The following LUZP2 variants were observed in gnomAD, a reference collection of about 807,000 sequenced individuals.
LUZP2 encodes leucine zipper protein 2.
In LUZP2, 52 loss-of-function variants were observed where a neutral mutation model predicts 51.6. The ratio of observed to expected loss-of-function variants is 1.01; its 90% CI spans 0.81 to 1.27. LUZP2 has a LOEUF of 1.27. LUZP2 is among the 50% of genes most tolerant of loss of function. LUZP2 has a pLI of 0.00. For missense variants in LUZP2, 436 were observed against 395.4 expected (o/e 1.10, Z -0.87); for synonymous variants, 154 against 137.3 (o/e 1.12, Z -0.85).
chr11:24,688,498 T>C (rs1222919815), intron 1 of LUZP2, among the ~76,000 whole-genome samples: 1 of 152,162 alleles, frequency 6.6e-6, no homozygotes, highest in African/African-American at 2.4e-5. Flanking sequence ...ATTTTTGTCT[T>C]TGCATTATAA....
At chr11:24,944,445 T>G (rs1854845882) in intron 7 of LUZP2, among the ~76,000 whole-genome samples, 2 of 152,158 alleles carry the variant, frequency 1.3e-5, no homozygotes, top group African/African-American at 4.8e-5. Context: ...AAATATATAG[T>G]TGGAACACAT....
rs201454249 is a variant in LUZP2 at position 24,561,001 on chromosome 11, G to A, written c.62+63696G>A. On this transcript the variant is annotated intron_variant, in intron 1 of 11. Coordinates refer to ENST00000336930, the MANE Select transcript of LUZP2 (RefSeq NM_001009909.4). ...GAGCTTATTAGAACTATCTGGAGTAGAGACATTTTTCCAAAGGAAAAAATA... is the reference window on the plus strand; with the variant it reads ...GAGCTTATTAGAACTATCTGGAGTAAAGACATTTTTCCAAAGGAAAAAATA... Among the ~76,000 whole-genome samples the A allele has an allele frequency of 3.9e-5, 6 of 152,218 alleles. No individual in the cohort carries two copies. The South Asian group carries it at 6.2e-4, about 16-fold the overall frequency.
chr11:24,662,587 A>G (rs2133984946), intron 1 of LUZP2, among the ~76,000 whole-genome samples: 1 of 152,254 alleles, frequency 6.6e-6, no homozygotes, highest in Admixed American at 6.5e-5. Context: ...AGGACATAAA[A>G]TATTCCAAAA....
At chr11:24,697,220 TGAAG>T (rs1857276346) in intron 1 of LUZP2, among the ~76,000 whole-genome samples, 1 of 152,132 alleles carries the variant, frequency 6.6e-6, no homozygotes, top group African/African-American at 2.4e-5. Context: ...AAAAATTGAT[TGAAG>T]GGAGTGTCAT....
At chr11:24,859,951 C>T (rs74424168) in intron 5 of LUZP2, among the ~76,000 whole-genome samples, 23,634 of 152,138 alleles carry the variant, frequency 0.16, 1,987 homozygotes, top group African/African-American at 0.21. Context: ...GAGGGAGGGG[C>T]GACAAGAAAT....
At chr11:24,548,038 G>T (rs756206782) in intron 1 of LUZP2, among the ~76,000 whole-genome samples, 17 of 151,878 alleles carry the variant, frequency 1.1e-4, no homozygotes, top group Non-Finnish European at 2.1e-4. Context: ...ATTATTAAAA[G>T]GTCAAAAAAT....
chr11:24,767,985 A>G (rs1018355178), intron 5 of LUZP2, among the ~76,000 whole-genome samples: 8 of 146,842 alleles, frequency 5.4e-5, no homozygotes, highest in Non-Finnish European at 1.0e-4. Context: ...TTTTTTTTGA[A>G]TTTTATTTAT....
intron 1 of LUZP2, among the ~76,000 whole-genome samples, chr11:24,499,421 T>C (rs1330822680): frequency 6.6e-6 from 1 of 152,200 alleles, no homozygotes; most frequent in Non-Finnish European, 1.5e-5. Context: ...ACAGTTCTTA[T>C]AGGCACATGG....
At chr11:24,570,740 G>C (rs772964953) in intron 1 of LUZP2, among the ~76,000 whole-genome samples, 4 of 152,016 alleles carry the variant, frequency 2.6e-5, no homozygotes, top group Admixed American at 6.6e-5. Context: ...AACTTCCATA[G>C]ATGTTATGTG....
intron 1 of LUZP2, among the ~76,000 whole-genome samples, chr11:24,549,881 A>G (rs987272039): frequency 3.3e-5 from 5 of 152,082 alleles, no homozygotes; most frequent in African/African-American, 1.2e-4. Flanking sequence ...GAATTGGAAG[A>G]TTCAATAAAA....
chr11:24,964,007 C>A (rs1426276640), intron 7 of LUZP2, among the ~76,000 whole-genome samples: 4 of 152,152 alleles, frequency 2.6e-5, no homozygotes, highest in Non-Finnish European at 4.4e-5. Flanking sequence ...GATTTCAAAT[C>A]TTTTGGATAA....
intron 8 of LUZP2, among the ~76,000 whole-genome samples, chr11:24,977,439 G>C (rs1205237288): frequency 6.6e-6 from 1 of 151,542 alleles, no homozygotes; most frequent in Non-Finnish European, 1.5e-5. Flanking sequence ...GAAAGATACA[G>C]TCACATAAAA....
intron 2 of LUZP2, among the ~76,000 whole-genome samples, chr11:24,731,917 T>C (rs1283494319): frequency 4.0e-5 from 6 of 151,754 alleles, no homozygotes; most frequent in Non-Finnish European, 7.4e-5. Context: ...CCAAGACTGC[T>C]CAATTCCTTT....
Position 24,715,261 on chromosome 11 carries a change from CTATGTG to C in LUZP2, c.63-13906_63-13901del, listed in dbSNP as rs1178660752. Reference sequence around the variant, plus strand: ...TTATGGTATCCAATTCAAGGAGCAACTATGTGTGTGTGTGTGTGTGTGTGTGTGTGT... The same window carrying C: ...TTATGGTATCCAATTCAAGGAGCAACTGTGTGTGTGTGTGTGTGTGTGTGT... On this transcript the variant is annotated intron_variant, in intron 1 of 11. Transcript: ENST00000336930. Among the ~76,000 whole-genome samples the C allele has an allele frequency of 7.3e-3, 540 of 73,588 alleles. 3 individuals carry two copies. Among genetic ancestry groups the C allele is most frequent in the African/African-American group, 0.022 (502 of 23,196 alleles). 48.3% of individuals were successfully genotyped at this position (73,588 alleles called of 152,430 possible).
At chr11:24,720,547 A>AT (rs1452587807) in intron 1 of LUZP2, among the ~76,000 whole-genome samples, 3 of 152,182 alleles carry the variant, frequency 2.0e-5, no homozygotes, top group Non-Finnish European at 2.9e-5. Flanking sequence ...TATTAGACAA[A>AT]TTTTTGCTGT....
intron 1 of LUZP2, among the ~76,000 whole-genome samples, chr11:24,661,541 T>C (rs955121553): frequency 1.2e-4 from 19 of 152,194 alleles, no homozygotes; most frequent in African/African-American, 4.3e-4. Flanking sequence ...ACCTTTCTGC[T>C]CCATTCTTGT....
rs529947664 is a variant in LUZP2, at chr11:24,642,049, C to A, written c.63-87120C>A. On this transcript the variant is annotated intron_variant, in intron 1 of 11. Transcript: ENST00000336930. ...GGACTACAGGTGCATGCCTTCACAC[C>A]TAGCTAATTTTTGTATTTTTAGTAG... Among the ~76,000 whole-genome samples the A allele has an allele frequency of 2.6e-5, 4 of 151,840 alleles. No individual in the cohort carries two copies. The East Asian group carries it at 7.7e-4, about 29-fold the overall frequency.
chr11:24,762,664 C>T (rs942668797), intron 4 of LUZP2, among the ~76,000 whole-genome samples: 1 of 152,040 alleles, frequency 6.6e-6, no homozygotes, highest in African/African-American at 2.4e-5. Flanking sequence ...TACTATACTA[C>T]CATTTTTTAC....
At chr11:24,829,992 T>C (rs1371317735) in intron 5 of LUZP2, among the ~76,000 whole-genome samples, 2 of 152,154 alleles carry the variant, frequency 1.3e-5, no homozygotes, top group Admixed American at 6.5e-5. Context: ...ATGTTTAATG[T>C]GAAGCAGATT....
Sources: gnomAD v4.1 joint callset for allele counts (sites outside exome capture counted in the v4.1 genomes callset) on GRCh38, gnomAD v4.1.1 for gene constraint, MANE v1.5 for transcripts, NCBI Gene and HGNC (gene_info 2026-07-23, HGNC 2026-07-21) for gene names.